CFI: variants seen among roughly 807,000 people sequenced by gnomAD.
CFI encodes the protein C3B/C4B inactivator.
Under a neutral mutation model 78.8 loss-of-function variants are expected in CFI, and 66 were observed. The ratio of observed to expected loss-of-function variants is 0.84; its 90% CI spans 0.69 to 1.03. The LOEUF is 1.03. Among genes scored for constraint, CFI ranks in the 50% least tolerant of loss-of-function variants. CFI has a pLI of 0.00. For missense variants in CFI, 706 were observed against 704.5 expected, an observed-to-expected ratio of 1.00 and a Z score of -0.02; for synonymous variants, 250 against 232.6, an observed-to-expected ratio of 1.07 and a Z score of -0.68.
At chr4:109,801,717 A>G (rs1251600312) in intron 1 of CFI, among the ~76,000 whole-genome samples, 198 bp downstream of exon 1, 2 of 152,230 alleles carry the variant, frequency 1.3e-5, no homozygotes, top group Non-Finnish European at 2.9e-5. Flanking sequence ...ATATAAGCAC[A>G]TAAAAAGAAC....
intron 1 of CFI, among the ~76,000 whole-genome samples, chr4:109,770,218 T>C (rs1728389510): frequency 6.6e-6 from 1 of 152,008 alleles, no homozygotes; most frequent in African/African-American, 2.4e-5. Context: ...AAACCACACA[T>C]TGGTGAGTTG....
chr4:109,789,158 T>G (rs1053342292), intron 1 of CFI, among the ~76,000 whole-genome samples: 1 of 151,736 alleles, frequency 6.6e-6, no homozygotes, highest in African/African-American at 2.4e-5. Flanking sequence ...CAATAAAATT[T>G]TAAAAAATAA....
chr4:109,781,152 A>T (rs1212486763), intron 1 of CFI, among the ~76,000 whole-genome samples: 1 of 152,188 alleles, frequency 6.6e-6, no homozygotes, highest in Non-Finnish European at 1.5e-5. Context: ...ATAAAAAAAA[A>T]TTTCCAACTT....
At chr4:109,756,845 C>G (rs907028198) in intron 7 of CFI, among the ~76,000 whole-genome samples, 1 of 144,514 alleles carries the variant, frequency 6.9e-6, no homozygotes, top group Non-Finnish European at 1.5e-5. Context: ...GGCTACAAGA[C>G]CGAGTACAAG....
chr4:109,792,586 C>T (rs533922699), intron 1 of CFI, among the ~76,000 whole-genome samples: 3 of 151,290 alleles, frequency 2.0e-5, no homozygotes, highest in African/African-American at 7.3e-5. Flanking sequence ...AACAAACCCA[C>T]CCCCCCCAAA....
At chr4:109,731,144 A>G in the CFI span, among the ~76,000 whole-genome samples, 1 of 152,190 alleles carries the variant, frequency 6.6e-6, no homozygotes, top group African/African-American at 2.4e-5. Flanking sequence ...CAGAAGTTCG[A>G]GACCAGCCTG....
intron 1 of CFI, among the ~76,000 whole-genome samples, chr4:109,778,235 G>A (rs2125839520): frequency 6.6e-6 from 1 of 152,188 alleles, no homozygotes. Flanking sequence ...TAGACTGCTA[G>A]CAAGACTAAT....
intron 7 of CFI, among the ~76,000 whole-genome samples, chr4:109,756,933 G>GAAAGAAAGAAAGAAAGAA (rs1561297815): frequency 6.8e-6 from 1 of 146,492 alleles, no homozygotes; most frequent in Admixed American, 6.8e-5. Context: ...AAGAAAGAAA[G>GAAAGAAAGAAAGAAAGAA]AAAGAAAGAA....
chr4:109,753,428 A>AAT (rs1561293408), intron 7 of CFI, among the ~76,000 whole-genome samples: 2 of 74,722 alleles, frequency 2.7e-5, no homozygotes, highest in African/African-American at 1.3e-4. Flanking sequence ...AAATATTTAT[A>AAT]ATATATTTAT....
At chr4:109,736,160 G>C (rs143760181), downstream of CFI, among the ~76,000 whole-genome samples, 1 of 152,290 alleles carries the variant, frequency 6.6e-6, no homozygotes, top group African/African-American at 2.4e-5. Context: ...TACTATAAGA[G>C]AAAGGAAAAT....
At chr4:109,756,329 A>AG (rs1726136023) in intron 7 of CFI, among the ~76,000 whole-genome samples, 1 of 150,116 alleles carries the variant, frequency 6.7e-6, no homozygotes, top group South Asian at 2.1e-4. Flanking sequence ...GGAGGGAGGG[A>AG]GGGAAAAAAG....
chr4:109,748,562 C>A (rs183604149), intron 10 of CFI, among the ~76,000 whole-genome samples: 10 of 151,988 alleles, frequency 6.6e-5, no homozygotes, highest in Non-Finnish European at 1.5e-4. Flanking sequence ...ACAAAGGGTA[C>A]GACTAAGTAG....
At position 109,741,012 on chromosome 4, in the gene CFI, T is replaced by A. The variant is rs1177238476; in HGVS notation, c.1633A>T (p.Ser545Cys). The change falls in exon 13 of 13, where the codon AGT becomes TGT. Residue 545 changes from serine to cysteine, a missense_variant. Transcript: ENST00000394634. ...NNVTYVWGVV[S>C]WGENCGKPEF... ...GGTTTTCCACAGTTTTCCCCCCAAC[T>A]CACAACACCCCAGACATAAGTCACA... is the stretch of plus-strand genomic sequence containing the variant. 3.7e-6 allele frequency: 6 copies of A among 1,614,110 alleles called. No individual in the cohort carries two copies.
intron 1 of CFI, among the ~76,000 whole-genome samples, chr4:109,774,388 G>A (rs1352583072): frequency 6.6e-6 from 1 of 150,444 alleles, no homozygotes; most frequent in Non-Finnish European, 1.5e-5. Context: ...CTTGGACTAG[G>A]AACCTGAAGG....
chr4:109,759,685 A>T (rs1726782076), intron 6 of CFI, among the ~76,000 whole-genome samples: 1 of 152,148 alleles, frequency 6.6e-6, no homozygotes, highest in African/African-American at 2.4e-5. Context: ...ATCTGAGGTC[A>T]GGAGTTTGAG....
intron 1 of CFI, among the ~76,000 whole-genome samples, chr4:109,779,334 C>T (rs553380661): frequency 6.6e-6 from 1 of 152,032 alleles, no homozygotes; most frequent in Non-Finnish European, 1.5e-5. Context: ...TCCTATACAC[C>T]AAGAACAGAC....
intron 1 of CFI, 125 bp from the exon 2 acceptor site, chr4:109,766,949 G>T: frequency 1.1e-6 from 1 of 908,688 alleles, no homozygotes; most frequent in Non-Finnish European, 1.7e-6. Context: ...GTGTTGTCTG[G>T]TGGCTTCAAG....
intron 1 of CFI, among the ~76,000 whole-genome samples, chr4:109,781,215 A>T (rs886115509): frequency 2.0e-5 from 3 of 152,188 alleles, no homozygotes; most frequent in African/African-American, 7.2e-5. Context: ...GATAAATGAA[A>T]CAAGAAGCTG....
intron 8 of CFI, among the ~76,000 whole-genome samples, chr4:109,750,128 C>T (rs1387108890): frequency 2.0e-5 from 3 of 151,984 alleles, no homozygotes; most frequent in Admixed American, 6.6e-5. Flanking sequence ...TCCCAAGTAG[C>T]TGGGATTACA....
Sources: gnomAD v4.1 joint callset for allele counts (sites outside exome capture counted in the v4.1 genomes callset) on GRCh38, gnomAD v4.1.1 for gene constraint, MANE v1.5 for transcripts, NCBI Gene and HGNC (gene_info 2026-07-23, HGNC 2026-07-21) for gene names.